Variants in NDRG4 observed in about 807,000 individuals in gnomAD.
The protein encoded by NDRG4 is protein NDRG4.
NDRG4 carries 38 observed loss-of-function variants against 55.8 expected under a neutral mutation model. The ratio of observed to expected loss-of-function variants is 0.68; its 90% CI spans 0.53 to 0.89. The LOEUF (loss-of-function observed/expected upper bound fraction) is 0.89. NDRG4 is among the 40% of genes least tolerant of loss of function. NDRG4 has a pLI of 0.00. For synonymous variants in NDRG4, 190 were observed against 182.7 expected, an observed-to-expected ratio of 1.04 and a Z score of -0.32; for missense variants, 455 against 468.6, an observed-to-expected ratio of 0.97 and a Z score of 0.27.
At chr16:58,481,903 A>G (rs2034445120) in intron 1 of NDRG4, among the ~76,000 whole-genome samples, 1 of 152,120 alleles carries the variant, frequency 6.6e-6, no homozygotes, top group African/African-American at 2.4e-5. Flanking sequence ...CAGACCCCCT[A>G]TATAGTGCAG....
Position 58,509,365 on chromosome 16 carries a change from C to T in NDRG4, c.865+13C>T. ...GGCATGGGCTACAGTGAGTACATTT[C>T]CACCCCACCCCACACCACCTAGAGA... is the stretch of plus-strand genomic sequence containing the variant. On this transcript the variant is annotated intron_variant, in intron 13 of 14. Coordinates refer to ENST00000570248, the MANE Select transcript of NDRG4 (RefSeq NM_001242835.2). 1 of 1,612,436 alleles carries T rather than the reference C, an allele frequency of 6.2e-7. No individual in the cohort carries two copies. The highest frequency in any genetic ancestry group is 8.5e-7 in the Non-Finnish European group (1 of 1,179,636).
intron 2 of NDRG4, among the ~76,000 whole-genome samples, chr16:58,489,170 G>C (rs1324960557): frequency 6.6e-6 from 1 of 151,964 alleles, no homozygotes; most frequent in African/African-American, 2.4e-5. Flanking sequence ...CGTGGTAGTG[G>C]GCGCCTGTAA....
chr16:58,488,319 G>C (rs2035371832), intron 2 of NDRG4, among the ~76,000 whole-genome samples: 1 of 152,216 alleles, frequency 6.6e-6, no homozygotes, highest in Non-Finnish European at 1.5e-5. Context: ...GGGGCAGTGG[G>C]ACAGAGGCAT....
Position 58,464,268 on chromosome 16 carries a change from G to T in NDRG4, c.-24+471G>T. 4.1e-6 allele frequency: 2 copies of T among 481,930 alleles called. No homozygotes were observed. Among genetic ancestry groups the T allele is most frequent in the Non-Finnish European group, 6.8e-6 (2 of 295,190 alleles). 29.9% of individuals were successfully genotyped at this position (481,930 alleles called of 1,614,324 possible). ...AAACCGTTTTGGAGGGGGGAGCGCG[G>T]CGTTGGGGGCGGGAGAGCGCTCCTG... On this transcript the variant is annotated intron_variant, in intron 1 of 15. Coordinates refer to the NDRG4 transcript ENST00000258187. The surrounding 1 kb of genome is among the most constrained non-coding windows in gnomAD (Gnocchi z 4.8).
At chr16:58,466,049 C>T (rs1026627193) in intron 1 of NDRG4, among the ~76,000 whole-genome samples, 2 of 152,218 alleles carry the variant, frequency 1.3e-5, no homozygotes, top group Non-Finnish European at 2.9e-5. Context: ...TGGAGTCCCA[C>T]TCTGTCGCCC....
At chr16:58,487,629 T>C in intron 1 of NDRG4, 1 of 657,722 alleles carries the variant, frequency 1.5e-6, no homozygotes, top group South Asian at 2.3e-5. Context: ...CTGAGTGGGC[T>C]GCGCTTGGGG....
Position 58,506,921 on chromosome 16 carries a change from G to A in NDRG4, c.526G>A (p.Val176Met), listed in dbSNP as rs1338327497. 2.5e-6 allele frequency: 4 copies of A among 1,614,052 alleles called. No individual in the cohort carries two copies. The highest frequency in any genetic ancestry group is 3.4e-6 in the Non-Finnish European group (4 of 1,179,960). The stretch of plus-strand genomic sequence containing the variant: ...ATCTCCCTGGGCCTAGGAGGAGCTG[G>A]TGAACAACACAGAGTTGGTGCAGAG... ...LSHLFSQEEL[V>M]NNTELVQSYR... The change falls in exon 8 of 15, where the codon GTG (valine) becomes ATG (methionine). Residue 176 changes from valine to methionine, a missense_variant. By Grantham distance (21) the Val-to-Met change is conservative. Coordinates refer to ENST00000570248, the MANE Select transcript of NDRG4 (RefSeq NM_001242835.2).
At chr16:58,504,042 C>A (rs1298918694) in intron 2 of NDRG4, 112 bp from the exon 3 acceptor site, 19 of 1,579,404 alleles carry the variant, frequency 1.2e-5, no homozygotes, top group Non-Finnish European at 1.6e-5. Context: ...GCCTCCATTT[C>A]CCCGACGGAC....
intron 1 of NDRG4, among the ~76,000 whole-genome samples, chr16:58,468,846 T>A (rs901013826): frequency 1.3e-5 from 2 of 152,182 alleles, no homozygotes; most frequent in African/African-American, 4.8e-5. Context: ...GGATGATTTT[T>A]TTATTTTTTA....
intron 1 of NDRG4, among the ~76,000 whole-genome samples, chr16:58,503,330 G>A (rs1363313456): frequency 3.3e-5 from 5 of 152,190 alleles, no homozygotes; most frequent in African/African-American, 4.8e-5. Context: ...TGCCGGGGTC[G>A]GGGCTAGGCT....
intron 1 of NDRG4, among the ~76,000 whole-genome samples, chr16:58,484,048 G>A (rs2034784494): frequency 6.6e-6 from 1 of 150,994 alleles, no homozygotes; most frequent in African/African-American, 2.4e-5. Flanking sequence ...CCAGCCTAGA[G>A]TTTGCTTAGA....
At chr16:58,499,438 G>A (rs911258430), upstream of NDRG4, 1 of 152,466 alleles carries the variant, frequency 6.6e-6, no homozygotes, top group Admixed American at 6.5e-5. Context: ...ATCTGCCCAG[G>A]GCCCCTGGCC....
In NDRG4 at chr16:58,510,582, G is replaced by A. The variant is rs1000545054; in HGVS notation, c.866-63G>A. ...CAATGCCCTTGACTCAGCGGACCACGCTCTTCACTGTGTTGTGTCTCCCCC... is the reference window on the plus strand; with the variant it reads ...CAATGCCCTTGACTCAGCGGACCACACTCTTCACTGTGTTGTGTCTCCCCC... On this transcript the variant is annotated intron_variant, in intron 13 of 14. Transcript: ENST00000570248. 3.8e-5 allele frequency: 53 copies of A among 1,396,462 alleles called. No homozygotes were observed. The African/African-American group carries it at 6.2e-4, about 16-fold the overall frequency. The allele number at this position is 1,396,462 out of a possible 1,614,324, so 86.5% of individuals were successfully genotyped here.
intron 13 of NDRG4, 99 bp from the exon 14 acceptor site, chr16:58,510,546 C>G: frequency 2.9e-6 from 3 of 1,029,522 alleles, no homozygotes; most frequent in East Asian, 2.6e-5. Context: ...TCCCATCTCT[C>G]TGGCTCATCT....
rs1285884737 is a variant in NDRG4 at position 58,511,452 on chromosome 16, G to T, written c.935G>T (p.Arg312Leu). The T allele has an allele frequency of 6.2e-7, 1 of 1,610,204 alleles. No homozygotes were observed. Among genetic ancestry groups the T allele is most frequent in the Non-Finnish European group, 8.5e-7 (1 of 1,178,044 alleles). Residue 312 changes from arginine to leucine, a missense_variant, in exon 15 of 15, where the codon CGC (arginine) becomes CTC (leucine). Transcript: ENST00000570248. ...VPSASMTRLARSRTASLTSAS... is the reference protein window; with the variant it reads ...VPSASMTRLALSRTASLTSAS... ...TCAGCCAGCATGACCCGCCTGGCAC[G>T]CTCCCGCACTGCATCCCTCACCAGT...
At chr16:58,495,021 T>C (rs1295069604) in intron 3 of NDRG4, 29 of 1,612,518 alleles carry the variant, frequency 1.8e-5, no homozygotes, top group Non-Finnish European at 2.4e-5. Flanking sequence ...AGGTCAAGGC[T>C]CAGACCCCCA....
At chr16:58,470,583 G>A (rs981740408) in intron 1 of NDRG4, among the ~76,000 whole-genome samples, 2 of 152,186 alleles carry the variant, frequency 1.3e-5, no homozygotes, top group Non-Finnish European at 2.9e-5. Context: ...TATCCAGTGG[G>A]CTGTAAGTGC....
rs2038863009 is a variant in NDRG4, at chr16:58,512,032, G to A, written c.*456G>A. 2.2e-6 allele frequency: 1 copy of A among 458,702 alleles called. No homozygotes were observed. The highest frequency in any genetic ancestry group is 4.4e-6 in the Non-Finnish European group (1 of 228,434). The allele number at this position is 458,702 out of a possible 1,614,324, so 28.4% of individuals were successfully genotyped here. A position where few individuals can be genotyped will look rare whatever the true frequency, so the allele number is the denominator to read the frequency against. On this transcript the variant is annotated 3_prime_UTR_variant, in exon 15 of 15. Coordinates refer to ENST00000570248, the MANE Select transcript of NDRG4 (RefSeq NM_001242835.2). ...CCCCCACCCTCCACCAAGCACACCTGTTTCTGTCTCATAGCACATGTGACA... is the reference window on the plus strand; with the variant it reads ...CCCCCACCCTCCACCAAGCACACCTATTTCTGTCTCATAGCACATGTGACA...
At chr16:58,510,813 C>G (rs1214663685) in intron 14 of NDRG4, 130 bp downstream of exon 14, 1 of 822,960 alleles carries the variant, frequency 1.2e-6, no homozygotes, top group Non-Finnish European at 2.0e-6. Flanking sequence ...TCCTGTTCAA[C>G]TCAGAAACCC....
Sources: allele counts gnomAD v4.1 joint callset (sites outside exome capture counted in the v4.1 genomes callset), GRCh38; gene constraint gnomAD v4.1.1; non-coding constraint Gnocchi (gnomAD v3.1); transcripts MANE v1.5; gene names NCBI Gene and HGNC (gene_info 2026-07-23, HGNC 2026-07-21).